The following PPM1K variants were observed in gnomAD, a reference collection of about 807,000 sequenced individuals.
PPM1K encodes the protein protein phosphatase, Mg2+/Mn2+ dependent 1K.
A neutral mutation model predicts 32.6 loss-of-function variants in PPM1K; 19 were observed. The ratio of observed to expected loss-of-function variants is 0.58; its 90% CI spans 0.41 to 0.86. The LOEUF is 0.86. Ranked by LOEUF, PPM1K falls within the 40% of genes least tolerant of loss-of-function variation. PPM1K has a pLI of 0.00. For missense variants in PPM1K, 362 were observed against 461.2 expected, an observed-to-expected ratio of 0.78 and a Z score of 1.97; for synonymous variants, 159 against 165.3, an observed-to-expected ratio of 0.96 and a Z score of 0.29.
In PPM1K at chr4:88,274,219, T is replaced by C. The variant is rs528394953; in HGVS notation, c.541+2924A>G. The stretch of plus-strand genomic sequence containing the variant: ...TTTATACCTAAAATCTCACCATTAG[T>C]AATTCACTTCTATGGTTTAAGCCTT... On this transcript the variant is annotated intron_variant, in intron 3 of 6. Coordinates refer to ENST00000608933, the MANE Select transcript of PPM1K (RefSeq NM_152542.5). Among the ~76,000 whole-genome samples, 67 of 152,340 alleles carry C rather than the reference T, an allele frequency of 4.4e-4. No individual in the cohort carries two copies. In the South Asian group the frequency reaches 0.013, roughly 30 times the overall value.
chr4:88,278,739 T>C lies in PPM1K; in HGVS notation c.-59-97A>G, dbSNP rs1408683270. 1.7e-6 allele frequency: 1 copy of C among 606,028 alleles called. No homozygotes were observed. The highest frequency in any genetic ancestry group is 1.9e-5 in the African/African-American group (1 of 54,032). 37.5% of individuals were successfully genotyped at this position (606,028 alleles called of 1,614,324 possible). On this transcript the variant is annotated intron_variant, in intron 1 of 6. Coordinates refer to ENST00000608933, the MANE Select transcript of PPM1K (RefSeq NM_152542.5). This position sits in a 1 kb window ranked among gnomAD's most constrained non-coding sequence, Gnocchi z 4.2. ...GAGAGAGAGAGACCATCAGAAATTT[T>C]GAATATAACTGATATGTCATCAAAT...
intron 3 of PPM1K, among the ~76,000 whole-genome samples, chr4:88,270,548 T>C (rs2110161753): frequency 6.6e-6 from 1 of 152,360 alleles, no homozygotes; most frequent in South Asian, 2.1e-4. Flanking sequence ...TTTGACTAAC[T>C]ATGATATTTC....
At chr4:88,275,070 AT>A in intron 3 of PPM1K, 1 of 791,326 alleles carries the variant, frequency 1.3e-6, no homozygotes, top group Non-Finnish European at 1.5e-6. Context: ...ACAAATTACC[AT>A]TATATGAAAA....
chr4:88,276,832 ATAAAATAAGCAAACAGAT>A (rs1731784748), intron 3 of PPM1K: 1 of 1,026,488 alleles, frequency 9.7e-7, no homozygotes, highest in South Asian at 4.2e-5. Flanking sequence ...CATTTTGTCC[ATAAAATAAGCAAACAGAT>A]TAAACATTTT....
Position 88,258,086 on chromosome 4 carries a change from C to G in PPM1K, c.*4509G>C, listed in dbSNP as rs1163038268. 2 of 152,128 alleles carry G rather than the reference C, an allele frequency of 1.3e-5. No homozygotes were observed. Among genetic ancestry groups the G allele is most frequent in the African/African-American group, 4.8e-5 (2 of 41,420 alleles). The allele number at this position is 152,128 out of a possible 1,614,324, so 9.4% of individuals were successfully genotyped here. ...ATGACTTTATTTCTGCCTAAGTCATCTATATAAGCGAATCTAATAAATACA... is the reference window on the plus strand; with the variant it reads ...ATGACTTTATTTCTGCCTAAGTCATGTATATAAGCGAATCTAATAAATACA... On this transcript the variant is annotated 3_prime_UTR_variant, in exon 7 of 7. Transcript: ENST00000608933.
Position 88,265,006 on chromosome 4 carries a change from C to G in PPM1K, c.982G>C (p.Glu328Gln). Residue 328 changes from glutamate to glutamine, a missense_variant, in exon 6 of 7, where the codon GAA becomes CAA. By Grantham distance (29) the Glu-to-Gln change is conservative (BLOSUM62 2). Coordinates refer to ENST00000608933, the MANE Select transcript of PPM1K (RefSeq NM_152542.5). ...DPNEAAHAVT[E>Q]QAIQYGTEDN... Reference sequence around the variant, plus strand: ...AGGCAGAAGCTCTGGGTCACCTGTTCAGTCACCGCATGGGCTGCTTCGTTG... The same window carrying G: ...AGGCAGAAGCTCTGGGTCACCTGTTGAGTCACCGCATGGGCTGCTTCGTTG... 1 of 1,614,006 alleles carries G rather than the reference C, an allele frequency of 6.2e-7. No homozygotes were observed. The highest frequency in any genetic ancestry group is 1.1e-5 in the South Asian group (1 of 91,032).
intron 4 of PPM1K, 134 bp downstream of exon 4, chr4:88,268,607 T>C (rs769778994): frequency 4.0e-5 from 40 of 997,830 alleles, no homozygotes; most frequent in South Asian, 2.5e-4. Flanking sequence ...GGCGACAGAG[T>C]GAGACTCTGT....
At chr4:88,265,401 C>A (rs534902478) in intron 5 of PPM1K, among the ~76,000 whole-genome samples, 1 of 152,318 alleles carries the variant, frequency 6.6e-6, no homozygotes, top group Non-Finnish European at 1.5e-5. Context: ...TGAAGTCTCA[C>A]AAGATCTGAT....
intron 5 of PPM1K, among the ~76,000 whole-genome samples, chr4:88,266,611 TTGGC>T (rs1731317774): frequency 1.1e-5 from 1 of 93,720 alleles, no homozygotes; most frequent in Non-Finnish European, 2.2e-5. Flanking sequence ...GCAGGTGATG[TTGGC>T]TGATTGGGTG....
chr4:88,271,925 GC>G (rs1197717916), intron 3 of PPM1K, among the ~76,000 whole-genome samples: 1 of 152,142 alleles, frequency 6.6e-6, no homozygotes, highest in Admixed American at 6.5e-5. Flanking sequence ...CTAGCGAGAC[GC>G]ATGTTTATAA....
intron 5 of PPM1K, 48 bp from the exon 6 acceptor site, chr4:88,265,183 A>T: frequency 6.2e-7 from 1 of 1,607,774 alleles, no homozygotes; most frequent in Non-Finnish European, 8.5e-7. Context: ...ACTCTGCCTT[A>T]GCACAATCTC....
At chr4:88,277,102 T>G in intron 3 of PPM1K, 41 bp downstream of exon 3, 1 of 1,430,182 alleles carries the variant, frequency 7.0e-7, no homozygotes, top group Admixed American at 1.7e-5. Flanking sequence ...CCCCACCCCA[T>G]GTACTCCCTA....
At chr4:88,263,922 T>C (rs757848928) in intron 6 of PPM1K, among the ~76,000 whole-genome samples, 3 of 152,148 alleles carry the variant, frequency 2.0e-5, no homozygotes, top group Non-Finnish European at 4.4e-5. Flanking sequence ...GCTTCCTCTA[T>C]AGAATGGAAA....
chr4:88,280,265 TA>T (rs1428573111), intron 1 of PPM1K, among the ~76,000 whole-genome samples: 2 of 151,778 alleles, frequency 1.3e-5, no homozygotes, highest in Non-Finnish European at 2.9e-5. Context: ...TTTAAGCAAT[TA>T]AAAAAAATAT....
chr4:88,283,790 G>A (rs1340361106), intron 1 of PPM1K: 1 of 152,372 alleles, frequency 6.6e-6, no homozygotes, highest in African/African-American at 2.4e-5. Context: ...TACAGCTCAG[G>A]ATCCTGGCCT....
At position 88,265,029 on chromosome 4, in the gene PPM1K, T is replaced by C. The variant is rs1307843795; in HGVS notation, c.959A>G (p.Asn320Ser). The part of the protein sequence containing the change: ...CDFVNQCHDP[N>S]EAAHAVTEQA... ...TTCAGTCACCGCATGGGCTGCTTCG[T>C]TGGGATCATGGCACTGATTGACAAA... The change falls in exon 6 of 7, where the codon AAC becomes AGC. Residue 320 changes from asparagine (N) to serine (S), a missense_variant. Coordinates refer to ENST00000608933, the MANE Select transcript of PPM1K (RefSeq NM_152542.5). The C allele has an allele frequency of 2.5e-6, 4 of 1,614,058 alleles. No homozygotes were observed. The highest frequency in any genetic ancestry group is 3.3e-5 in the Admixed American group (2 of 59,996).
rs185360336 is a variant in PPM1K at position 88,262,862 on chromosome 4, C to T, written c.988-136G>A. The stretch of plus-strand genomic sequence containing the variant: ...GGTCTTATGTGCAGTTACTAACCTA[C>T]TTATTTCACAATGGTTTGTGATTTT... On this transcript the variant is annotated intron_variant, in intron 6 of 6. Coordinates refer to ENST00000608933, the MANE Select transcript of PPM1K (RefSeq NM_152542.5). 11 of 830,890 alleles carry T rather than the reference C, an allele frequency of 1.3e-5. No individual in the cohort carries two copies. In the Admixed American group the frequency reaches 2.7e-4, roughly 21 times the overall value. The allele number at this position is 830,890 out of a possible 1,614,324, so 51.5% of individuals were successfully genotyped here.
intron 5 of PPM1K, among the ~76,000 whole-genome samples, chr4:88,266,797 TGAC>T (rs1731331376): frequency 6.7e-6 from 1 of 149,916 alleles, no homozygotes; most frequent in Non-Finnish European, 1.5e-5. Context: ...TGATGCTGGA[TGAC>T]TGGGTGCAGG....
chr4:88,280,246 C>A (rs923054771), intron 1 of PPM1K, among the ~76,000 whole-genome samples: 1 of 152,042 alleles, frequency 6.6e-6, no homozygotes, highest in African/African-American at 2.4e-5. Context: ...TGGCCTCAAT[C>A]TTTAGATATT....
Sources: gnomAD v4.1 joint callset for allele counts (sites outside exome capture counted in the v4.1 genomes callset) on GRCh38, gnomAD v4.1.1 for gene constraint, Gnocchi (gnomAD v3.1) non-coding constraint, MANE v1.5 for transcripts, NCBI Gene and HGNC (gene_info 2026-07-23, HGNC 2026-07-21) for gene names.